CLEC4D: variants seen among roughly 807,000 people sequenced by gnomAD.
CLEC4D encodes the protein C-type lectin domain family 4 member D.
In CLEC4D, 21 loss-of-function variants were observed where a neutral mutation model predicts 21.1. That is an observed-to-expected ratio of 1.00 (90% CI 0.71 to 1.43). The LOEUF (loss-of-function observed/expected upper bound fraction) is 1.43. Ranked by LOEUF, CLEC4D falls within the 40% of genes most tolerant of loss-of-function variation. The pLI is 0.00. For synonymous variants in CLEC4D, 85 were observed against 83.1 expected (o/e 1.02, Z -0.12); for missense variants, 289 against 260.7 (o/e 1.11, Z -0.75).
downstream of CLEC4D, among the ~76,000 whole-genome samples, chr12:8,526,288 C>T (rs903383485): frequency 6.6e-6 from 1 of 152,178 alleles, no homozygotes; most frequent in Non-Finnish European, 1.5e-5. Context: ...TGTTTTCCAG[C>T]TTGTTTCCAT....
the CLEC4D span, among the ~76,000 whole-genome samples, chr12:8,530,199 C>G: frequency 1.1e-4 from 17 of 152,202 alleles, no homozygotes; most frequent in East Asian, 2.9e-3. Flanking sequence ...ATGTCTACCC[C>G]AAACCTGTAG....
chr12:8,521,364 A>G lies in CLEC4D; in HGVS notation c.*93A>G. The G allele has an allele frequency of 6.6e-7, 1 of 1,506,522 alleles. No individual in the cohort carries two copies. Among genetic ancestry groups the G allele is most frequent in the Non-Finnish European group, 8.8e-7 (1 of 1,134,942 alleles). 93.3% of individuals were successfully genotyped at this position (1,506,522 alleles called of 1,614,324 possible). A position where few individuals can be genotyped will look rare whatever the true frequency, so the allele number is the denominator to read the frequency against. On this transcript the variant is annotated 3_prime_UTR_variant, in exon 6 of 6. Coordinates refer to ENST00000299665, the MANE Select transcript of CLEC4D (RefSeq NM_080387.5). ...CGTGCGTCATTGGAACACAGAAAAC[A>G]TGCTGGTTCATACAGCGTTTTTAGT...
downstream of CLEC4D, among the ~76,000 whole-genome samples, chr12:8,523,382 G>A (rs1940481246): frequency 6.6e-6 from 1 of 152,084 alleles, no homozygotes; most frequent in Admixed American, 6.6e-5. Flanking sequence ...TTGAGCAGTG[G>A]TTTGTAGTTT....
rs1346722905 is a variant in CLEC4D at position 8,521,258 on chromosome 12, CA to C, written c.637del (p.Thr213HisfsTer2). 6.2e-7 allele frequency: 1 copy of C among 1,608,408 alleles called. No individual in the cohort carries two copies. The highest frequency in any genetic ancestry group is 2.2e-5 in the East Asian group (1 of 44,770). ...AGTAGGATTTGTAAAATACCTGGAA[CA>C]ACATTGAACTAGAAACTCAGAAAGT... ...EASRICKIPGTTLN is the reference protein window; with the variant it reads ...EASRICKIPGXTLN On this transcript the variant is annotated frameshift_variant, in exon 6 of 6. Transcript: ENST00000299665. LOFTEE classifies it high-confidence loss of function.
Position 8,515,401 on chromosome 12 carries a change from C to A in CLEC4D, c.121+73C>A, listed in dbSNP as rs774776217. On this transcript the variant is annotated intron_variant, in intron 2 of 5. Transcript: ENST00000299665. The stretch of plus-strand genomic sequence containing the variant: ...ACAACTTTTCTGAAGTTGCTCTAAG[C>A]CTTTTGGTATCTTGATTTTTCCTAG... 3.9e-5 allele frequency: 32 copies of A among 816,214 alleles called. No individual in the cohort carries two copies. In the African/African-American group the frequency reaches 4.1e-4, roughly 10 times the overall value. 50.6% of individuals were successfully genotyped at this position (816,214 alleles called of 1,614,324 possible).
chr12:8,524,691 A>G (rs911188048), downstream of CLEC4D, among the ~76,000 whole-genome samples: 2 of 151,854 alleles, frequency 1.3e-5, no homozygotes. Flanking sequence ...TCATGTCTCT[A>G]TTCTCCTTCG....
At chr12:8,529,642 C>T in the CLEC4D span, among the ~76,000 whole-genome samples, 1 of 152,050 alleles carries the variant, frequency 6.6e-6, no homozygotes. Context: ...TCAATATTAA[C>T]TCCATAAAAA....
Position 8,518,227 on chromosome 12 carries a change from CA to C in CLEC4D, c.188del (p.Lys63SerfsTer11). The part of the protein sequence containing the change: ...GTGVHKLEHH[A>X]KLKCIKEKSE... ...GGAGTGCACAAGTTAGAGCACCATG[CA>C]AAGCTCAAATGCATCAAAGAGAAAT... On this transcript the variant is annotated frameshift_variant, in exon 3 of 6. Coordinates refer to ENST00000299665, the MANE Select transcript of CLEC4D (RefSeq NM_080387.5). LOFTEE classifies it high-confidence loss of function. The C allele has an allele frequency of 7.0e-7, 1 of 1,434,074 alleles. No individual in the cohort carries two copies. The highest frequency in any genetic ancestry group is 9.8e-7 in the Non-Finnish European group (1 of 1,016,132). 88.8% of individuals were successfully genotyped at this position (1,434,074 alleles called of 1,614,324 possible). A position where few individuals can be genotyped will look rare whatever the true frequency, so the allele number is the denominator to read the frequency against.
chr12:8,522,545 G>A (rs754565257), downstream of CLEC4D, among the ~76,000 whole-genome samples: 6 of 152,168 alleles, frequency 3.9e-5, no homozygotes, highest in East Asian at 5.8e-4. Context: ...TGATGGATGC[G>A]TGTAGCTGTG....
chr12:8,521,154 T>C lies in CLEC4D; in HGVS notation c.531T>C (p.Ser177=). 1 of 1,613,560 alleles carries C rather than the reference T, an allele frequency of 6.2e-7. No homozygotes were observed. The highest frequency in any genetic ancestry group is 8.5e-7 in the Non-Finnish European group (1 of 1,179,626). Residue 177 remains serine (S), a synonymous_variant, in exon 6 of 6, where the codon TCT becomes TCC. Transcript: ENST00000299665. ...GGCATAAGAATGAACCCGACAACTC[T>C]CAGGGAGAAAACTGTGTTGTTCTTG... ...VFWHKNEPDN[S]QGENCVVLVY...
chr12:8,531,080 G>A, the CLEC4D span, among the ~76,000 whole-genome samples: 5 of 151,976 alleles, frequency 3.3e-5, no homozygotes, highest in Admixed American at 3.3e-4. Flanking sequence ...CCACCCCCAC[G>A]TATGGGCGTC....
intron 5 of CLEC4D, 128 bp downstream of exon 5, chr12:8,520,469 T>A (rs1940444691): frequency 1.0e-5 from 14 of 1,393,828 alleles, no homozygotes; most frequent in Non-Finnish European, 1.3e-5. Context: ...GGTTGAGTAA[T>A]CTCCATATGC....
At position 8,513,662 on chromosome 12, in the gene CLEC4D, T is replaced by A. The variant is rs1940337187; in HGVS notation, c.-71T>A. The stretch of plus-strand genomic sequence containing the variant: ...GAATATATTCCCCTATCCACAGAAA[T>A]ATACTCTGGGGGAAAAAAAATAGAA... On this transcript the variant is annotated 5_prime_UTR_variant, in exon 1 of 6. Transcript: ENST00000299665. The A allele has an allele frequency of 1.2e-6, 1 of 813,876 alleles. No individual in the cohort carries two copies. 50.4% of individuals were successfully genotyped at this position (813,876 alleles called of 1,614,324 possible).
intron 3 of CLEC4D, among the ~76,000 whole-genome samples, chr12:8,518,674 A>AC (rs1195954754): frequency 1.3e-5 from 2 of 152,214 alleles, no homozygotes; most frequent in Non-Finnish European, 2.9e-5. Context: ...TAGGTTCTTT[A>AC]CCCACTTTAG....
chr12:8,513,962 T>G lies in CLEC4D; in HGVS notation c.28+202T>G, dbSNP rs181966818. ...AGAAACTTCTTTATAAAATGTATAT[T>G]GGACCAAGAGGGGAGATAAAATATA... On this transcript the variant is annotated intron_variant, in intron 1 of 5. Coordinates refer to ENST00000299665, the MANE Select transcript of CLEC4D (RefSeq NM_080387.5). Among the ~76,000 whole-genome samples, 29 of 151,958 alleles carry G rather than the reference T, an allele frequency of 1.9e-4. No homozygotes were observed. The East Asian group carries it at 5.6e-3, about 29-fold the overall frequency.
intron 4 of CLEC4D, among the ~76,000 whole-genome samples, chr12:8,519,919 A>T (rs1940436344): frequency 6.6e-6 from 1 of 152,236 alleles, no homozygotes; most frequent in Non-Finnish European, 1.5e-5. Context: ...AGATATTAAA[A>T]ACAAAACCTC....
At chr12:8,530,479 C>T in the CLEC4D span, among the ~76,000 whole-genome samples, 10 of 147,672 alleles carry the variant, frequency 6.8e-5, no homozygotes, top group South Asian at 4.2e-4. Flanking sequence ...AAAAAAAGCC[C>T]GAAGAAGTGA....
intron 1 of CLEC4D, among the ~76,000 whole-genome samples, chr12:8,514,601 C>T (rs1490485362): frequency 6.6e-6 from 1 of 152,060 alleles, no homozygotes; most frequent in African/African-American, 2.4e-5. Context: ...AAAAGGCATT[C>T]CTAATTTTCC....
chr12:8,518,568 C>G (rs1231374582), intron 3 of CLEC4D, among the ~76,000 whole-genome samples: 1 of 152,200 alleles, frequency 6.6e-6, no homozygotes, highest in Non-Finnish European at 1.5e-5. Context: ...CAGTTTCCTC[C>G]TAGAATATAC....
Sources: gnomAD v4.1 joint callset for allele counts (sites outside exome capture counted in the v4.1 genomes callset) on GRCh38, gnomAD v4.1.1 for gene constraint, MANE v1.5 for transcripts, NCBI Gene and HGNC (gene_info 2026-07-23, HGNC 2026-07-21) for gene names.